Variants in USP47 observed in about 807,000 individuals in gnomAD.
USP47 encodes the protein ubiquitin carboxyl-terminal hydrolase 47.
Under a neutral mutation model 165.1 loss-of-function variants are expected in USP47, and 35 were observed. That is an observed-to-expected ratio of 0.21 (90% confidence interval 0.16 to 0.28). USP47 has a LOEUF of 0.28. Among genes scored for constraint, USP47 ranks in the 10% least tolerant of loss-of-function variants. The pLI, the probability that USP47 is intolerant of heterozygous loss-of-function variation, is 1.00. For synonymous variants in USP47, 531 were observed against 544.5 expected, an observed-to-expected ratio of 0.98 and a Z score of 0.35; for missense variants, 1,277 against 1,607.4, an observed-to-expected ratio of 0.79 and a Z score of 3.52.
intron 8 of USP47, among the ~76,000 whole-genome samples, chr11:11,914,519 A>G (rs939631883): frequency 2.6e-5 from 4 of 152,182 alleles, no homozygotes; most frequent in Non-Finnish European, 4.4e-5. Flanking sequence ...CCAAAAGTAC[A>G]GTCTACAAAA....
chr11:11,956,447 T>G lies in USP47; in HGVS notation c.*272T>G. The stretch of plus-strand genomic sequence containing the variant: ...ACAACAAAAAAAGCTAACCTTCTAT[T>G]AGAAAAGGGGACAGGGGAATGAGTA... On this transcript the variant is annotated 3_prime_UTR_variant, in exon 28 of 28. Coordinates refer to ENST00000527733, the MANE Select transcript of USP47 (RefSeq NM_001282659.2). 1 of 275,662 alleles carries G rather than the reference T, an allele frequency of 3.6e-6. No individual in the cohort carries two copies. The highest frequency in any genetic ancestry group is 1.1e-4 in the South Asian group (1 of 9,516). The allele number at this position is 275,662 out of a possible 1,614,324, so 17.1% of individuals were successfully genotyped here.
chr11:11,884,135 A>T (rs1255071642), intron 2 of USP47, among the ~76,000 whole-genome samples: 1 of 152,140 alleles, frequency 6.6e-6, no homozygotes, highest in Non-Finnish European at 1.5e-5. Flanking sequence ...ATCATATTGC[A>T]TATATTGTAT....
chr11:11,873,540 G>GATTTA lies in USP47; in HGVS notation c.40-6636_40-6632dup, dbSNP rs543279947. Among the ~76,000 whole-genome samples, 230 of 152,088 alleles carry GATTTA rather than the reference G, an allele frequency of 1.5e-3. 1 individual carries two copies. The highest frequency in any genetic ancestry group is 5.3e-3 in the African/African-American group (218 of 41,520). On this transcript the variant is annotated intron_variant, in intron 1 of 27. Transcript: ENST00000527733. ...AAATATTATGTGACTTACAACATTT[G>GATTTA]ATTTACACACAATTCTTAAGCTATC... is the stretch of plus-strand genomic sequence containing the variant.
intron 11 of USP47, among the ~76,000 whole-genome samples, chr11:11,925,522 T>C (rs1854174103): frequency 6.6e-6 from 1 of 152,200 alleles, no homozygotes; most frequent in African/African-American, 2.4e-5. Context: ...TAATTTTCTT[T>C]TTGGATTGTT....
chr11:11,866,498 C>G (rs1033540717), intron 1 of USP47, among the ~76,000 whole-genome samples: 2 of 152,044 alleles, frequency 1.3e-5, no homozygotes, highest in Admixed American at 1.3e-4. Flanking sequence ...GGAAAGTTGT[C>G]GTGGTGATGA....
intron 1 of USP47, among the ~76,000 whole-genome samples, chr11:11,860,761 C>T (rs1664916227): frequency 6.6e-6 from 1 of 152,106 alleles, no homozygotes; most frequent in Non-Finnish European, 1.5e-5. Context: ...TATTATTTCG[C>T]CTCCTGAGAA....
intron 1 of USP47, among the ~76,000 whole-genome samples, chr11:11,876,531 G>T (rs191276384): frequency 4.6e-5 from 7 of 152,284 alleles, no homozygotes; most frequent in Non-Finnish European, 2.9e-5. Context: ...TGTGGGATGG[G>T]ATTGGGGCCA....
intron 8 of USP47, among the ~76,000 whole-genome samples, chr11:11,908,615 T>C (rs999830331): frequency 1.3e-5 from 2 of 152,104 alleles, no homozygotes; most frequent in African/African-American, 2.4e-5. Context: ...TTTTTTAGTA[T>C]GATAACAGGT....
chr11:11,949,986 T>C lies in USP47; in HGVS notation c.3446T>C (p.Leu1149Ser). 6.2e-7 allele frequency: 1 copy of C among 1,611,330 alleles called. No homozygotes were observed. The highest frequency in any genetic ancestry group is 8.5e-7 in the Non-Finnish European group (1 of 1,178,188). The change falls in exon 23 of 28, where the codon TTA becomes TCA. Residue 1149 changes from leucine (L) to serine (S), a missense_variant. Leu to Ser is a moderately radical substitution (Grantham distance 145, BLOSUM62 -2). Coordinates refer to ENST00000527733, the MANE Select transcript of USP47 (RefSeq NM_001282659.2). ...LIPQLREQCG[L>S]ELSIDRFRLR... Reference sequence around the variant, plus strand: ...CCTCAGCTCAGGGAGCAATGTGGTTTAGAGCTCAGTATTGACAGGTAAAGT... The same window carrying C: ...CCTCAGCTCAGGGAGCAATGTGGTTCAGAGCTCAGTATTGACAGGTAAAGT...
chr11:11,889,946 C>T (rs1344208529), intron 3 of USP47, among the ~76,000 whole-genome samples: 2 of 151,202 alleles, frequency 1.3e-5, no homozygotes, highest in African/African-American at 4.8e-5. Flanking sequence ...ACAAAAGCAA[C>T]GAGGAAAGGA....
chr11:11,933,900 A>G lies in USP47; in HGVS notation c.1834A>G (p.Lys612Glu), dbSNP rs1375351330. The G allele has an allele frequency of 1.9e-6, 3 of 1,609,636 alleles. No homozygotes were observed. Among genetic ancestry groups the G allele is most frequent in the Middle Eastern group, 1.7e-4 (1 of 6,056 alleles). Residue 612 changes from lysine (K) to glutamate (E), a missense_variant, in exon 16 of 28, where the codon AAG becomes GAG. Physicochemically the swap from Lys to Glu is moderately conservative, Grantham distance 56. Coordinates refer to ENST00000527733, the MANE Select transcript of USP47 (RefSeq NM_001282659.2). Reference sequence around the variant, plus strand: ...AAATAAATTGGAGGTTCATAAGGATAAGACATTAAAGGAAGCAGTAGAAAT... The same window carrying G: ...AAATAAATTGGAGGTTCATAAGGATGAGACATTAAAGGAAGCAGTAGAAAT... ...MENKLEVHKD[K>E]TLKEAVEMAY...
At chr11:11,873,182 T>C (rs7926003) in intron 1 of USP47, among the ~76,000 whole-genome samples, 8,286 of 152,184 alleles carry the variant, frequency 0.054, 589 homozygotes, top group African/African-American at 0.16. Flanking sequence ...AGAGAATATG[T>C]TGATTTCTTT....
At chr11:11,855,885 A>C (rs1290271389) in intron 1 of USP47, among the ~76,000 whole-genome samples, 2 of 152,218 alleles carry the variant, frequency 1.3e-5, no homozygotes, top group African/African-American at 2.4e-5. Context: ...TCTAGATCCT[A>C]GTCTAGACTA....
chr11:11,954,111 G>T (rs1466009045), intron 25 of USP47, among the ~76,000 whole-genome samples: 4 of 152,060 alleles, frequency 2.6e-5, no homozygotes. Context: ...TTAGCCAAGT[G>T]TGGTGGTGCA....
At chr11:11,867,666 G>C (rs371672221) in intron 1 of USP47, among the ~76,000 whole-genome samples, 1 of 151,910 alleles carries the variant, frequency 6.6e-6, no homozygotes, top group East Asian at 1.9e-4. Flanking sequence ...TTTATTCTTA[G>C]CTGACTCTCT....
chr11:11,846,897 A>C (rs1848458076), intron 1 of USP47, among the ~76,000 whole-genome samples: 1 of 151,990 alleles, frequency 6.6e-6, no homozygotes, highest in Non-Finnish European at 1.5e-5. Context: ...CTTTTTCTTA[A>C]ATTTCAGATG....
chr11:11,856,806 T>A (rs1228477787), intron 1 of USP47: 1 of 152,610 alleles, frequency 6.6e-6, no homozygotes, highest in Non-Finnish European at 1.5e-5. Flanking sequence ...TGTGAGTGGC[T>A]TTTGTAGCTA....
chr11:11,955,555 A>G (rs188767093), intron 27 of USP47, among the ~76,000 whole-genome samples: 2 of 152,352 alleles, frequency 1.3e-5, no homozygotes, highest in Admixed American at 6.5e-5. Context: ...CATGTGGCTA[A>G]TGGCTGTTGT....
intron 1 of USP47, among the ~76,000 whole-genome samples, chr11:11,872,990 G>T (rs924983139): frequency 6.6e-6 from 1 of 152,076 alleles, no homozygotes; most frequent in Non-Finnish European, 1.5e-5. Flanking sequence ...TCAAATACTG[G>T]TATATGAAAT....
Sources: allele counts gnomAD v4.1 joint callset (sites outside exome capture counted in the v4.1 genomes callset), GRCh38; gene constraint gnomAD v4.1.1; transcripts MANE v1.5; gene names NCBI Gene and HGNC (gene_info 2026-07-23, HGNC 2026-07-21).